Variants in PPP1R15B observed in about 807,000 individuals in gnomAD.
PPP1R15B encodes protein phosphatase 1 regulatory subunit 15B, also known as protein phosphatase 1, regulatory (inhibitor) subunit 15B.
PPP1R15B carries 31 observed loss-of-function variants against 53.9 expected under a neutral mutation model. That is an observed-to-expected ratio of 0.58 (90% confidence interval 0.43 to 0.78). PPP1R15B has a LOEUF of 0.78. Ranked by LOEUF, PPP1R15B falls within the 30% of genes least tolerant of loss-of-function variation. The pLI is 0.00. For missense variants in PPP1R15B, 928 were observed against 849.6 expected (o/e 1.09, Z -1.15); for synonymous variants, 345 against 329.1 (o/e 1.05, Z -0.52).
downstream of PPP1R15B, among the ~76,000 whole-genome samples, chr1:204,398,776 C>T (rs1674130092): frequency 6.6e-6 from 1 of 152,212 alleles, no homozygotes; most frequent in South Asian, 2.1e-4. Flanking sequence ...AGCCAATCTT[C>T]TGCCAAAGAG....
intron 1 of PPP1R15B, among the ~76,000 whole-genome samples, chr1:204,407,008 G>A (rs901314693): frequency 6.6e-6 from 1 of 151,836 alleles, no homozygotes; most frequent in Non-Finnish European, 1.5e-5. Context: ...TAATCCTTAG[G>A]GAAATACAGT....
Position 204,409,718 on chromosome 1 carries a change from G to A in PPP1R15B, c.1694C>T (p.Pro565Leu), listed in dbSNP as rs147451458. The change falls in exon 1 of 2, where the codon CCC becomes CTC. Residue 565 changes from proline to leucine, a missense_variant. Coordinates refer to ENST00000367188, the MANE Select transcript of PPP1R15B (RefSeq NM_032833.5). ...AGCCTTAAAATTTAAAGGGTTGTAG[G>A]GGTCATCAGAATTACAGAATGAGTT... The part of the protein sequence containing the change: ...LWNSFCNSDD[P>L]YNPLNFKAPF... 1.4e-4 allele frequency: 234 copies of A among 1,613,916 alleles called. No homozygotes were observed. The highest frequency in any genetic ancestry group is 1.6e-4 in the Middle Eastern group (1 of 6,082).
At chr1:204,402,047 G>C (rs183879712), downstream of PPP1R15B, among the ~76,000 whole-genome samples, 95 of 152,276 alleles carry the variant, frequency 6.2e-4, no homozygotes, top group Non-Finnish European at 1.1e-3. Flanking sequence ...CAATAAATCT[G>C]GCTTAATGTA....
At chr1:204,401,249 A>G (rs1275229121), downstream of PPP1R15B, among the ~76,000 whole-genome samples, 3 of 152,226 alleles carry the variant, frequency 2.0e-5, no homozygotes, top group Non-Finnish European at 4.4e-5. Context: ...CAAAGTCAGC[A>G]GGGTTAGAAG....
In PPP1R15B at chr1:204,410,768, T is replaced by C. The variant is rs199600980; in HGVS notation, c.644A>G (p.Asn215Ser). The stretch of plus-strand genomic sequence containing the variant: ...CAGCAAATAGGATACCACACTGAAA[T>C]TGTCTATGCGTTGAATGTTTAGAGG... ...SGPLNIQRID[N>S]FSVVSYLLNP... Residue 215 changes from asparagine (N) to serine (S), a missense_variant, in exon 1 of 2, where the codon AAT (asparagine) becomes AGT (serine). Asn to Ser is a conservative substitution (Grantham distance 46, BLOSUM62 1). Coordinates refer to ENST00000367188, the MANE Select transcript of PPP1R15B (RefSeq NM_032833.5). 211 of 1,614,008 alleles carry C rather than the reference T, an allele frequency of 1.3e-4. 1 individual carries two copies. The highest frequency in any genetic ancestry group is 8.5e-4 in the South Asian group (77 of 91,082).
At chr1:204,396,193 T>TA (rs1210531732), downstream of PPP1R15B, among the ~76,000 whole-genome samples, 1 of 151,990 alleles carries the variant, frequency 6.6e-6, no homozygotes, top group Admixed American at 6.6e-5. Flanking sequence ...TCTGAAATTC[T>TA]AGAAGAGCTA....
At chr1:204,399,743 T>A (rs761517594), downstream of PPP1R15B, among the ~76,000 whole-genome samples, 16 of 151,968 alleles carry the variant, frequency 1.1e-4, no homozygotes, top group Non-Finnish European at 1.9e-4. Context: ...GTGAACATAA[T>A]TTTAAAAGGT....
chr1:204,403,719 C>T lies in PPP1R15B; in HGVS notation c.*2373G>A, dbSNP rs912983975. 1 of 984,882 alleles carries T rather than the reference C, an allele frequency of 1.0e-6. No homozygotes were observed. Among genetic ancestry groups the T allele is most frequent in the Non-Finnish European group, 1.2e-6 (1 of 829,056 alleles). The allele number at this position is 984,882 out of a possible 1,614,324, so 61.0% of individuals were successfully genotyped here. ...AAATGTATAAAATGTTTAATTAAAA[C>T]CTCCAAAGATTTTCTCTTTAAGATT... On this transcript the variant is annotated 3_prime_UTR_variant, in exon 2 of 2. Coordinates refer to ENST00000367188, the MANE Select transcript of PPP1R15B (RefSeq NM_032833.5).
chr1:204,409,553 G>C lies in PPP1R15B; in HGVS notation c.1859C>G (p.Pro620Arg). ...AAGAACGTCACGCTGTACCGAGTCT[G>C]GACATTCACTTTCTTGGCTCCCCAA... ...QLLGSQESEC[P>R]DSVQRDVLSG... The change falls in exon 1 of 2, where the codon CCA (proline) becomes CGA (arginine). Residue 620 changes from proline (P) to arginine (R), a missense_variant. Transcript: ENST00000367188. The C allele has an allele frequency of 6.2e-7, 1 of 1,614,126 alleles. No homozygotes were observed.
chr1:204,401,028 CCT>C (rs959653301), downstream of PPP1R15B, among the ~76,000 whole-genome samples: 20 of 152,180 alleles, frequency 1.3e-4, no homozygotes, highest in Non-Finnish European at 1.9e-4. Flanking sequence ...CCTAGTTTCC[CCT>C]GTCTCTCTCT....
chr1:204,406,824 TAG>T (rs1450715530), intron 1 of PPP1R15B, among the ~76,000 whole-genome samples: 1 of 152,132 alleles, frequency 6.6e-6, no homozygotes, highest in African/African-American at 2.4e-5. Context: ...ATATTTCATA[TAG>T]AGATATATAT....
chr1:204,402,707 C>T (rs1285064989), downstream of PPP1R15B, among the ~76,000 whole-genome samples: 1 of 151,274 alleles, frequency 6.6e-6, no homozygotes, highest in East Asian at 2.0e-4. Flanking sequence ...CAGGCGTGAG[C>T]CACCATACCT....
In PPP1R15B at chr1:204,411,570, G is replaced by GA; in HGVS notation, c.-160dup. On this transcript the variant is annotated 5_prime_UTR_variant, in exon 1 of 2. The change abolishes the stop of an existing upstream ORF in the 5' untranslated region. Transcript: ENST00000367188. ...CAGCAGAAAAGCCACAGAGGGCAGC[G>GA]AATGCGGCAGCGGGCGGCAGAACAC... 3 of 976,232 alleles carry GA rather than the reference G, an allele frequency of 3.1e-6. No homozygotes were observed. Among genetic ancestry groups the GA allele is most frequent in the Non-Finnish European group, 4.5e-6 (3 of 665,272 alleles). The allele number at this position is 976,232 out of a possible 1,614,324, so 60.5% of individuals were successfully genotyped here. A position where few individuals can be genotyped will look rare whatever the true frequency, so the allele number is the denominator to read the frequency against.
At chr1:204,401,777 T>C (rs910783488), downstream of PPP1R15B, among the ~76,000 whole-genome samples, 3 of 152,000 alleles carry the variant, frequency 2.0e-5, no homozygotes, top group Non-Finnish European at 4.4e-5. Context: ...AAAAATTAGC[T>C]GAGTGCGGTG....
Position 204,404,672 on chromosome 1 carries a change from C to A in PPP1R15B, c.*1420G>T. 1.0e-6 allele frequency: 1 copy of A among 985,682 alleles called. No individual in the cohort carries two copies. Among genetic ancestry groups the A allele is most frequent in the Non-Finnish European group, 1.2e-6 (1 of 829,882 alleles). 61.1% of individuals were successfully genotyped at this position (985,682 alleles called of 1,614,324 possible). A position where few individuals can be genotyped will look rare whatever the true frequency, so the allele number is the denominator to read the frequency against. On this transcript the variant is annotated 3_prime_UTR_variant, in exon 2 of 2. Transcript: ENST00000367188. ...TAAACTGAGGTAGTAACCCTGTAAG[C>A]ACTTCTGATGAAAAATTCATCCCCA...
rs199950235 is a variant in PPP1R15B, at chr1:204,410,919, T to C, written c.493A>G (p.Ser165Gly). 489 of 1,613,892 alleles carry C rather than the reference T, an allele frequency of 3.0e-4. 3 individuals carry two copies. The highest frequency in any genetic ancestry group is 1.6e-4 in the Middle Eastern group (1 of 6,078). Residue 165 changes from serine to glycine, a missense_variant, in exon 1 of 2, where the codon AGT (serine) becomes GGT (glycine). Ser to Gly is a moderately conservative substitution (Grantham distance 56). Coordinates refer to ENST00000367188, the MANE Select transcript of PPP1R15B (RefSeq NM_032833.5). ...GCCTGTGCTGCAGGGTCCAAAGCACTTCCCTTGGCCTTAAGCTCCAATTTT... is the reference window on the plus strand; with the variant it reads ...GCCTGTGCTGCAGGGTCCAAAGCACCTCCCTTGGCCTTAAGCTCCAATTTT... ...DLKLELKAKG[S>G]ALDPAAQAFL...
Position 204,410,013 on chromosome 1 carries a change from C to A in PPP1R15B, c.1399G>T (p.Asp467Tyr), listed in dbSNP as rs762549172. The change falls in exon 1 of 2, where the codon GAC (aspartate) becomes TAC (tyrosine). Residue 467 changes from aspartate (D) to tyrosine (Y), a missense_variant. Coordinates refer to ENST00000367188, the MANE Select transcript of PPP1R15B (RefSeq NM_032833.5). ...AGCCCTTCAGGGTCTTGTTCAAGGT[C>A]TGAGTCTGACAGTGAGCTATCACTA... ...FDSDSSLSDS[D>Y]LEQDPEGLHL... The A allele has an allele frequency of 1.3e-5, 21 of 1,614,180 alleles. No individual in the cohort carries two copies. Among genetic ancestry groups the A allele is most frequent in the Non-Finnish European group, 1.7e-5 (20 of 1,179,998 alleles).
At chr1:204,396,870 G>A (rs1417854549), downstream of PPP1R15B, among the ~76,000 whole-genome samples, 20 of 152,160 alleles carry the variant, frequency 1.3e-4, no homozygotes, top group Non-Finnish European at 4.4e-5. Context: ...TGTACGACAT[G>A]GTGACCATAG....
Position 204,410,756 on chromosome 1 carries a change from A to C in PPP1R15B, c.656T>G (p.Val219Gly). 1 of 1,614,194 alleles carries C rather than the reference A, an allele frequency of 6.2e-7. No individual in the cohort carries two copies. The highest frequency in any genetic ancestry group is 8.5e-7 in the Non-Finnish European group (1 of 1,180,028). Residue 219 changes from valine to glycine, a missense_variant, in exon 1 of 2, where the codon GTA becomes GGA. By Grantham distance (109) the Val-to-Gly change is moderately radical. Coordinates refer to ENST00000367188, the MANE Select transcript of PPP1R15B (RefSeq NM_032833.5). ...GTAGGAAGGGTTCAGCAAATAGGAT[A>C]CCACACTGAAATTGTCTATGCGTTG... ...NIQRIDNFSV[V>G]SYLLNPSYLD...
Sources: gnomAD v4.1 joint callset for allele counts (sites outside exome capture counted in the v4.1 genomes callset) on GRCh38, gnomAD v4.1.1 for gene constraint, MANE v1.5 for transcripts, NCBI Gene and HGNC (gene_info 2026-07-23, HGNC 2026-07-21) for gene names.